Variants in MTM1 observed in about 807,000 individuals in gnomAD.
MTM1 encodes the protein myotubularin.
A neutral mutation model predicts 52.1 loss-of-function variants in MTM1; 9 were observed. The observed-to-expected ratio is 0.17, with a 90% CI of 0.10 to 0.30. The LOEUF (loss-of-function observed/expected upper bound fraction) is 0.30, where lower values mean the gene tolerates loss of function less well. MTM1 is among the 10% of genes least tolerant of loss of function. MTM1 has a pLI of 1.00. For synonymous variants in MTM1, 136 were observed against 163.8 expected (o/e 0.83, Z 1.29); for missense variants, 277 against 470.7 (o/e 0.59, Z 3.81).
At chrX:150,589,962 T>C (rs189481351) in intron 1 of MTM1, among the ~76,000 whole-genome samples, 190 of 111,588 alleles carry the variant, frequency 1.7e-3, no homozygotes, top group African/African-American at 5.8e-3. Context: ...ACAGATACAC[T>C]GTGTGGTTCC....
chrX:150,583,582 TATATATAATTTATATATAATA>T (rs2038684059), intron 1 of MTM1, among the ~76,000 whole-genome samples: 1 of 31,940 alleles, frequency 3.1e-5, no homozygotes, highest in African/African-American at 1.5e-4. Context: ...TTATATATAA[TATATATAATTTATATATAATA>T]TATAATTTAT....
intron 5 of MTM1, among the ~76,000 whole-genome samples, chrX:150,616,012 T>C (rs2039378577): frequency 9.0e-6 from 1 of 111,388 alleles, no homozygotes; most frequent in Non-Finnish European, 1.9e-5. Context: ...ATTAGAGTGC[T>C]CAAGGGAAAA....
At chrX:150,638,278 A>G (rs2039786174) in intron 6 of MTM1, among the ~76,000 whole-genome samples, 3 of 111,451 alleles carry the variant, frequency 2.7e-5, no homozygotes, top group Non-Finnish European at 3.8e-5. Flanking sequence ...GGACACTTGG[A>G]TAGCCAAGTC....
intron 1 of MTM1, among the ~76,000 whole-genome samples, chrX:150,583,166 TTATATAAATTATAAATATATATAAATTA>T (rs1569565308): frequency 6.7e-5 from 5 of 74,972 alleles, no homozygotes; most frequent in Non-Finnish European, 1.1e-4. Context: ...ATTATATATA[TTATATAAATTATAAATATATATAAATTA>T]TATATAAATT....
intron 6 of MTM1, among the ~76,000 whole-genome samples, chrX:150,629,820 G>C (rs1451917062): frequency 9.0e-6 from 1 of 111,381 alleles, no homozygotes; most frequent in Non-Finnish European, 1.9e-5. Context: ...CCTCCTCATA[G>C]ACAACCCAGG....
At chrX:150,658,364 T>C (rs180773287) in intron 11 of MTM1, among the ~76,000 whole-genome samples, 2 of 112,051 alleles carry the variant, frequency 1.8e-5, no homozygotes, top group East Asian at 5.5e-4. Flanking sequence ...AGTTGAGGCT[T>C]TTTATTTCTG....
In MTM1 at chrX:150,589,401, CATAT is replaced by C. The variant is rs782162932; in HGVS notation, c.-10-3198_-10-3195del. On this transcript the variant is annotated intron_variant, in intron 1 of 14. Transcript: ENST00000370396. ...CCTCTGGTTAGAATGCTGTAGTTAA[CATAT>C]ATATACGGAATCAACTTTTAATTTT... Among the ~76,000 whole-genome samples the C allele has an allele frequency of 2.7e-5, 3 of 111,719 alleles. No homozygotes were observed. In the East Asian group the frequency reaches 8.4e-4, roughly 31 times the overall value.
chrX:150,668,749 G>A (rs782263972), intron 14 of MTM1, among the ~76,000 whole-genome samples: 1 of 110,668 alleles, frequency 9.0e-6, no homozygotes, highest in South Asian at 3.9e-4. Flanking sequence ...ATACTAAACC[G>A]CAGCATTCTT....
chrX:150,615,650 A>G (rs2039371705), intron 5 of MTM1, among the ~76,000 whole-genome samples: 1 of 111,622 alleles, frequency 9.0e-6, no homozygotes, highest in Non-Finnish European at 1.9e-5. Context: ...AGAACCAAAA[A>G]CTAAGTCTCC....
intron 8 of MTM1, among the ~76,000 whole-genome samples, chrX:150,641,962 A>G (rs2039855963): frequency 9.0e-6 from 1 of 111,393 alleles, no homozygotes; most frequent in Non-Finnish European, 1.9e-5. Flanking sequence ...CCTAGTTCAC[A>G]AAGCTCTCTT....
chrX:150,564,753 T>C (rs2038242257), upstream of MTM1, among the ~76,000 whole-genome samples: 1 of 112,342 alleles, frequency 8.9e-6, no homozygotes, highest in Non-Finnish European at 1.9e-5. Context: ...TGTTTCCATA[T>C]ATCTTGGATA....
rs1557414441 is a variant in MTM1 at position 150,656,935 on chromosome X, A to G, written c.1054-886A>G. 2.7e-5 allele frequency among the ~76,000 whole-genome samples: 3 copies of G among 111,824 alleles called. 1 individual carries two copies. In the South Asian group the frequency reaches 1.1e-3, roughly 42 times the overall value. On this transcript the variant is annotated intron_variant, in intron 10 of 14. Transcript: ENST00000370396. The stretch of plus-strand genomic sequence containing the variant: ...AAACCACAATGAGATACCATCTCAC[A>G]CCAGTTAGAATGGCGATCATTAAAA...
At chrX:150,605,372 A>G (rs1471891178) in intron 4 of MTM1, among the ~76,000 whole-genome samples, 1 of 112,414 alleles carries the variant, frequency 8.9e-6, no homozygotes, top group Non-Finnish European at 1.9e-5. Context: ...GGTGAGAAAC[A>G]TGTTGGATAT....
At chrX:150,651,278 T>C in intron 10 of MTM1, among the ~76,000 whole-genome samples, 1 of 111,818 alleles carries the variant, frequency 8.9e-6, no homozygotes, top group Non-Finnish European at 1.9e-5. Context: ...TTTCTTCTTA[T>C]TGACGTCTTA....
intron 1 of MTM1, among the ~76,000 whole-genome samples, chrX:150,591,414 G>A (rs1227123549): frequency 1.8e-5 from 2 of 112,718 alleles, no homozygotes; most frequent in African/African-American, 6.4e-5. Context: ...TGGCCTTGTA[G>A]TGTTGAACTC....
At chrX:150,605,685 G>T (rs1303811857) in intron 4 of MTM1, among the ~76,000 whole-genome samples, 1 of 112,343 alleles carries the variant, frequency 8.9e-6, no homozygotes, top group Non-Finnish European at 1.9e-5. Context: ...AATATTTGGA[G>T]AATCAAGACG....
In MTM1 at chrX:150,578,182, C is replaced by CT. The variant is rs2038506283; in HGVS notation, c.-11+9522dup. The stretch of plus-strand genomic sequence containing the variant: ...CCCGAGGTGAGATTCTCTTTGCTGA[C>CT]TTGTTGATGTGAGCAGCCACATTGA... On this transcript the variant is annotated intron_variant, in intron 1 of 14. Coordinates refer to ENST00000370396, the MANE Select transcript of MTM1 (RefSeq NM_000252.3). Among the ~76,000 whole-genome samples the CT allele has an allele frequency of 1.8e-5, 2 of 112,152 alleles. 1 individual carries two copies. Among genetic ancestry groups the CT allele is most frequent in the African/African-American group, 6.5e-5 (2 of 30,836 alleles).
At chrX:150,619,403 A>T (rs1557413224) in intron 6 of MTM1, among the ~76,000 whole-genome samples, 1 of 112,246 alleles carries the variant, frequency 8.9e-6, no homozygotes, top group Admixed American at 9.4e-5. Flanking sequence ...CTGAGCCTAA[A>T]TGCCATTTGA....
intron 4 of MTM1, among the ~76,000 whole-genome samples, chrX:150,601,085 G>C (rs1199873714): frequency 8.9e-6 from 1 of 112,032 alleles, no homozygotes; most frequent in Admixed American, 9.5e-5. Context: ...CAAAAACCCA[G>C]AATGAACATG....
Sources: gnomAD v4.1 joint callset for allele counts (sites outside exome capture counted in the v4.1 genomes callset) on GRCh38, gnomAD v4.1.1 for gene constraint, MANE v1.5 for transcripts, NCBI Gene and HGNC (gene_info 2026-07-23, HGNC 2026-07-21) for gene names.